PCBD2: variants seen among roughly 807,000 people sequenced by gnomAD.
PCBD2 encodes the protein pterin-4 alpha-carbinolamine dehydratase 2, also known as pterin-4-alpha-carbinolamine dehydratase 2.
PCBD2 carries 12 observed loss-of-function variants against 16.4 expected under a neutral mutation model. That is an observed-to-expected ratio of 0.73 (90% CI 0.47 to 1.19). The LOEUF (loss-of-function observed/expected upper bound fraction) is 1.19. PCBD2 is among the 50% of genes most tolerant of loss of function. PCBD2 has a pLI of 0.00. For synonymous variants in PCBD2, 58 were observed against 61.8 expected, an observed-to-expected ratio of 0.94 and a Z score of 0.29; for missense variants, 138 against 156.8, an observed-to-expected ratio of 0.88 and a Z score of 0.64.
At chr5:134,927,250 C>T in intron 2 of PCBD2, 1 of 398,274 alleles carries the variant, frequency 2.5e-6, no homozygotes, top group Non-Finnish European at 4.4e-6. Flanking sequence ...AGGGATAGTA[C>T]AAGGAAGGGG....
chr5:134,911,089 G>A (rs1472651097), intron 2 of PCBD2, among the ~76,000 whole-genome samples: 1 of 152,136 alleles, frequency 6.6e-6, no homozygotes, highest in Non-Finnish European at 1.5e-5. Flanking sequence ...TGCCCAGCCT[G>A]AGCTTTTTAT....
At chr5:134,937,504 A>G (rs1233193731) in intron 2 of PCBD2, among the ~76,000 whole-genome samples, 1 of 152,248 alleles carries the variant, frequency 6.6e-6, no homozygotes, top group South Asian at 2.1e-4. Flanking sequence ...GAAAGTTACA[A>G]TACATTGCCT....
intron 2 of PCBD2, among the ~76,000 whole-genome samples, chr5:134,958,825 C>T (rs935888564): frequency 3.3e-5 from 5 of 152,134 alleles, no homozygotes; most frequent in African/African-American, 9.7e-5. Flanking sequence ...TTTGTTTACT[C>T]GAGCCTGATA....
At chr5:134,935,097 C>CA (rs1229509417) in intron 2 of PCBD2, among the ~76,000 whole-genome samples, 8 of 152,196 alleles carry the variant, frequency 5.3e-5, no homozygotes, top group Non-Finnish European at 7.3e-5. Flanking sequence ...CCATTTGTGA[C>CA]AAATTTAGTC....
At chr5:134,919,369 A>T (rs573192241) in intron 2 of PCBD2, among the ~76,000 whole-genome samples, 14 of 152,202 alleles carry the variant, frequency 9.2e-5, no homozygotes, top group Admixed American at 9.2e-4. Flanking sequence ...TGCATGGAAA[A>T]TGTTGTGGGT....
chr5:134,956,404 T>C (rs1751415576), intron 2 of PCBD2, among the ~76,000 whole-genome samples: 1 of 152,236 alleles, frequency 6.6e-6, no homozygotes, highest in Non-Finnish European at 1.5e-5. Context: ...ATTTTGCTAC[T>C]ATACTGATGG....
intron 2 of PCBD2, among the ~76,000 whole-genome samples, chr5:134,937,140 A>G (rs1481071307): frequency 2.0e-5 from 3 of 152,234 alleles, no homozygotes. Flanking sequence ...GTTTTAAGCT[A>G]TGTAAAATAG....
chr5:134,946,697 A>G (rs1015935634), intron 2 of PCBD2, among the ~76,000 whole-genome samples: 10 of 152,168 alleles, frequency 6.6e-5, no homozygotes, highest in Non-Finnish European at 1.3e-4. Context: ...TAGAAAATGT[A>G]TTTACTGTAC....
chr5:134,920,238 G>A (rs1052135500), intron 2 of PCBD2, among the ~76,000 whole-genome samples: 8 of 151,998 alleles, frequency 5.3e-5, no homozygotes, highest in African/African-American at 1.9e-4. Flanking sequence ...ACTGAATTTC[G>A]CAGAAAGACA....
chr5:134,917,233 A>G (rs560819517), intron 2 of PCBD2, among the ~76,000 whole-genome samples: 1 of 152,362 alleles, frequency 6.6e-6, no homozygotes, highest in African/African-American at 2.4e-5. Flanking sequence ...AACCTAGGAA[A>G]TAGCTACTAC....
chr5:134,926,712 G>A (rs1377898718), intron 2 of PCBD2: 1 of 397,216 alleles, frequency 2.5e-6, no homozygotes, highest in Non-Finnish European at 4.4e-6. Flanking sequence ...GAGGATAGGG[G>A]ATAGGTGTAT....
rs1234657198 is a variant in PCBD2 at position 134,960,589 on chromosome 5, C to G, written c.301C>G (p.Gln101Glu). 6.2e-7 allele frequency: 1 copy of G among 1,601,450 alleles called. No individual in the cohort carries two copies. The highest frequency in any genetic ancestry group is 2.2e-5 in the East Asian group (1 of 44,746). Residue 101 changes from glutamine (Q) to glutamate (E), a missense_variant, in exon 4 of 4, where the codon CAG becomes GAG. Physicochemically the swap from Gln to Glu is conservative, Grantham distance 29. Coordinates refer to ENST00000254908, the MANE Select transcript of PCBD2 (RefSeq NM_032151.5). ...PEWFNVYNKV[Q>E]ITLTSHDCGE... ...AAACTGCTTTTCTTTTTCTTAGGTC[C>G]AGATAACTCTCACCTCACATGACTG... is the stretch of plus-strand genomic sequence containing the variant.
At chr5:134,935,094 T>C (rs544897470) in intron 2 of PCBD2, among the ~76,000 whole-genome samples, 1 of 152,366 alleles carries the variant, frequency 6.6e-6, no homozygotes, top group African/African-American at 2.4e-5. Context: ...AACCCATTTG[T>C]GACAAATTTA....
Position 134,923,520 on chromosome 5 carries a change from C to T in PCBD2, c.216+13054C>T, listed in dbSNP as rs770761151. 53 of 289,604 alleles carry T rather than the reference C, an allele frequency of 1.8e-4. 1 individual carries two copies. The highest frequency in any genetic ancestry group is 6.2e-4 in the South Asian group (4 of 6,420). The allele number at this position is 289,604 out of a possible 1,614,324, so 17.9% of individuals were successfully genotyped here. ...CAAGATAAAGTGAAAGGTAAAGAAC[C>T]GTGTGAGGGTGGGACTATCTACTGA... On this transcript the variant is annotated intron_variant, in intron 2 of 3. Coordinates refer to ENST00000254908, the MANE Select transcript of PCBD2 (RefSeq NM_032151.5).
At chr5:134,913,274 A>C (rs1750789411) in intron 2 of PCBD2, among the ~76,000 whole-genome samples, 1 of 152,216 alleles carries the variant, frequency 6.6e-6, no homozygotes, top group Non-Finnish European at 1.5e-5. Context: ...AGAATAAAGT[A>C]GGGAATTGGA....
intron 2 of PCBD2, among the ~76,000 whole-genome samples, chr5:134,931,272 A>G (rs1751092131): frequency 6.6e-6 from 1 of 152,082 alleles, no homozygotes; most frequent in African/African-American, 2.4e-5. Flanking sequence ...ATTGGCAGTA[A>G]TTTGAGGAAT....
chr5:134,954,984 C>A (rs985851269), intron 2 of PCBD2, among the ~76,000 whole-genome samples: 1 of 151,862 alleles, frequency 6.6e-6, no homozygotes, highest in Non-Finnish European at 1.5e-5. Context: ...TCAAGTGATG[C>A]GCCTGCCTCG....
Position 134,940,245 on chromosome 5 carries a change from C to CT in PCBD2, c.217-18794dup, listed in dbSNP as rs77859916. Among the ~76,000 whole-genome samples, 525 of 152,264 alleles carry CT rather than the reference C, an allele frequency of 3.4e-3. 8 individuals carry two copies. In the East Asian group the frequency reaches 0.039, roughly 11 times the overall value. ...TTTGTAAATAAAATGAAATCAAACT[C>CT]TAACAATTGTAAGGCATGATTTTCC... On this transcript the variant is annotated intron_variant, in intron 2 of 3. Transcript: ENST00000254908.
chr5:134,934,826 C>T (rs1751140097), intron 2 of PCBD2, among the ~76,000 whole-genome samples: 1 of 152,150 alleles, frequency 6.6e-6, no homozygotes, highest in African/African-American at 2.4e-5. Context: ...AAAGTAGCAC[C>T]TGTGGCTAAT....
Sources: gnomAD v4.1 joint callset for allele counts (sites outside exome capture counted in the v4.1 genomes callset) on GRCh38, gnomAD v4.1.1 for gene constraint, MANE v1.5 for transcripts, NCBI Gene and HGNC (gene_info 2026-07-23, HGNC 2026-07-21) for gene names.